E2F3: variants seen among roughly 807,000 people sequenced by gnomAD.
E2F3 encodes E2F transcription factor 3.
E2F3 carries 11 observed loss-of-function variants against 44.4 expected under a neutral mutation model. The ratio of observed to expected loss-of-function variants is 0.25; its 90% CI spans 0.16 to 0.41. The LOEUF (loss-of-function observed/expected upper bound fraction) is 0.41, where lower values mean the gene tolerates loss of function less well. Ranked by LOEUF, E2F3 falls within the 10% of genes least tolerant of loss-of-function variation. The probability of loss-of-function intolerance (pLI) is 1.00; values close to 1 mark genes in which losing one functional copy is unlikely to be tolerated. For synonymous variants in E2F3, 249 were observed against 253.0 expected (o/e 0.98, Z 0.15); for missense variants, 487 against 583.6 (o/e 0.83, Z 1.70).
At chr6:20,417,638 C>A (rs903539197) in intron 1 of E2F3, among the ~76,000 whole-genome samples, 2 of 149,382 alleles carry the variant, frequency 1.3e-5, no homozygotes, top group African/African-American at 4.9e-5. Flanking sequence ...ACTTTTATTT[C>A]TGCACTAGCC....
At position 20,462,217 on chromosome 6, in the gene E2F3, C is replaced by T. The variant is rs535980200; in HGVS notation, c.394-17629C>T. On this transcript the variant is annotated intron_variant, in intron 1 of 6. Transcript: ENST00000346618. ...TAGCACGTGTGATTTGTGCTGCCCT[C>T]CCGTGCAGTCTCTTGTTTATACCTC... 4.6e-5 allele frequency among the ~76,000 whole-genome samples: 7 copies of T among 152,294 alleles called. No homozygotes were observed. The South Asian group carries it at 1.5e-3, about 32-fold the overall frequency.
intron 4 of E2F3, among the ~76,000 whole-genome samples, chr6:20,485,455 C>T (rs959596242): frequency 1.3e-5 from 2 of 152,112 alleles, no homozygotes; most frequent in Non-Finnish European, 2.9e-5. Context: ...TGGTGCACGC[C>T]TGTAGTCCCA....
At position 20,402,728 on chromosome 6, in the gene E2F3, C is replaced by A; in HGVS notation, c.393+103C>A. 1 of 1,254,282 alleles carries A rather than the reference C, an allele frequency of 8.0e-7. No individual in the cohort carries two copies. Among genetic ancestry groups the A allele is most frequent in the African/African-American group, 1.6e-5 (1 of 64,022 alleles). 77.7% of individuals were successfully genotyped at this position (1,254,282 alleles called of 1,614,324 possible). On this transcript the variant is annotated intron_variant, in intron 1 of 6. Transcript: ENST00000346618. The surrounding 1 kb of genome is among the most constrained non-coding windows in gnomAD (Gnocchi z 5.6). ...GGGCCGCTCGGGGAGAGCACTGGGC[C>A]GAGCATCGTGGGCCTCGGGGGCTGC...
At chr6:20,472,546 T>C (rs931405638) in intron 1 of E2F3, among the ~76,000 whole-genome samples, 1 of 151,922 alleles carries the variant, frequency 6.6e-6, no homozygotes, top group African/African-American at 2.4e-5. Context: ...TAGCCACTCA[T>C]GGTAGTGCTA....
chr6:20,488,381 A>G (rs1762459192), intron 6 of E2F3, 133 bp downstream of exon 6: 1 of 1,097,634 alleles, frequency 9.1e-7, no homozygotes, highest in Non-Finnish European at 1.2e-6. Context: ...TTTAAAAGAC[A>G]TTCTGACTGG....
chr6:20,466,932 G>A (rs1048570619), intron 1 of E2F3, among the ~76,000 whole-genome samples: 9 of 152,022 alleles, frequency 5.9e-5, no homozygotes, highest in South Asian at 2.1e-4. Context: ...CACCTGCCTT[G>A]GCCTCCCAAA....
intron 1 of E2F3, chr6:20,445,008 T>C: frequency 1.1e-6 from 1 of 912,124 alleles, no homozygotes. Context: ...ACATGTCTTT[T>C]GAACTGAACT....
intron 1 of E2F3, among the ~76,000 whole-genome samples, chr6:20,453,244 C>T (rs1015762665): frequency 2.0e-5 from 3 of 151,846 alleles, no homozygotes; most frequent in African/African-American, 7.3e-5. Context: ...TTCTGGATTT[C>T]GAGTCACAGA....
At chr6:20,417,072 A>T (rs1434953565) in intron 1 of E2F3, among the ~76,000 whole-genome samples, 2 of 152,078 alleles carry the variant, frequency 1.3e-5, no homozygotes, top group Non-Finnish European at 2.9e-5. Flanking sequence ...TTTTTCTTTT[A>T]ATTCCTTCAG....
At chr6:20,462,659 G>C (rs1304132174) in intron 1 of E2F3, among the ~76,000 whole-genome samples, 1 of 151,502 alleles carries the variant, frequency 6.6e-6, no homozygotes, top group Non-Finnish European at 1.5e-5. Context: ...GGTTTCACCA[G>C]GTTGGTGAGG....
chr6:20,410,208 A>G (rs909928711), intron 1 of E2F3, among the ~76,000 whole-genome samples: 1 of 152,132 alleles, frequency 6.6e-6, no homozygotes, highest in Non-Finnish European at 1.5e-5. Context: ...CCTGAGGCCC[A>G]CACTATCTCC....
At chr6:20,417,351 G>T (rs974138583) in intron 1 of E2F3, among the ~76,000 whole-genome samples, 1 of 152,044 alleles carries the variant, frequency 6.6e-6, no homozygotes, top group Non-Finnish European at 1.5e-5. Context: ...ACCAATAAAG[G>T]CATTAAATAG....
chr6:20,486,770 A>G lies in E2F3; in HGVS notation c.966A>G (p.Pro322=). ...CTGTTATAGTTGTGAAAGCCCCTCC[A>G]GAAACAAGACTTGAAGTGCCTGACT... ...DQTVIVVKAP[P]ETRLEVPDSI... The change falls in exon 5 of 7, where the codon CCA becomes CCG. Residue 322 remains proline (P), a synonymous_variant. Transcript: ENST00000346618. The G allele has an allele frequency of 1.2e-6, 2 of 1,613,656 alleles. No homozygotes were observed. The highest frequency in any genetic ancestry group is 1.3e-5 in the African/African-American group (1 of 75,014).
intron 4 of E2F3, 86 bp downstream of exon 4, chr6:20,483,006 A>C: frequency 6.3e-7 from 1 of 1,585,156 alleles, no homozygotes; most frequent in Non-Finnish European, 8.6e-7. Context: ...CACAAGGTAG[A>C]TTATTATTCT....
intron 1 of E2F3, among the ~76,000 whole-genome samples, chr6:20,475,828 T>C (rs1762025723): frequency 6.6e-6 from 1 of 152,180 alleles, no homozygotes; most frequent in African/African-American, 2.4e-5. Context: ...AGAATACAGC[T>C]CTATGTCTCC....
At chr6:20,460,853 G>C (rs1447812735) in intron 1 of E2F3, among the ~76,000 whole-genome samples, 1 of 151,594 alleles carries the variant, frequency 6.6e-6, no homozygotes, top group East Asian at 1.9e-4. Flanking sequence ...AAAATTAGCT[G>C]GGTGTGGTGG....
chr6:20,407,876 C>G (rs1759542435), intron 1 of E2F3, among the ~76,000 whole-genome samples: 1 of 152,202 alleles, frequency 6.6e-6, no homozygotes, highest in South Asian at 2.1e-4. Flanking sequence ...AATCAATTGC[C>G]TATGCTCACC....
intron 1 of E2F3, among the ~76,000 whole-genome samples, chr6:20,411,669 G>C (rs555041401): frequency 6.6e-6 from 1 of 152,174 alleles, no homozygotes; most frequent in South Asian, 2.1e-4. Context: ...TTTGCTCGTA[G>C]CTTCTCCCTC....
intron 1 of E2F3, among the ~76,000 whole-genome samples, chr6:20,459,851 A>G (rs1015238371): frequency 6.6e-6 from 1 of 152,118 alleles, no homozygotes; most frequent in Admixed American, 6.5e-5. Flanking sequence ...TCGAGGTGAG[A>G]AGATTGCTTG....
Sources: allele counts gnomAD v4.1 joint callset (sites outside exome capture counted in the v4.1 genomes callset), GRCh38; gene constraint gnomAD v4.1.1; non-coding constraint Gnocchi (gnomAD v3.1); transcripts MANE v1.5; gene names NCBI Gene and HGNC (gene_info 2026-07-23, HGNC 2026-07-21).